The following ZDBF2 variants were observed in gnomAD, a reference collection of about 807,000 sequenced individuals.
ZDBF2 encodes the protein zinc finger DBF-type containing 2.
In ZDBF2, 6 loss-of-function variants were observed where a neutral mutation model predicts 9.4. The ratio of observed to expected loss-of-function variants is 0.64; its 90% CI spans 0.35 to 1.27. The LOEUF (loss-of-function observed/expected upper bound fraction) is 1.27, where lower values mean the gene tolerates loss of function less well. Among genes scored for constraint, ZDBF2 ranks in the 50% most tolerant of loss-of-function variants. ZDBF2 has a pLI of 0.03. For missense variants in ZDBF2, 2,697 were observed against 2,766.8 expected (o/e 0.97, Z 0.57); for synonymous variants, 905 against 946.3 (o/e 0.96, Z 0.80).
At position 206,307,409 on chromosome 2, in the gene ZDBF2, G is replaced by C; in HGVS notation, c.2881G>C (p.Asp961His). ...KSVFETSLDS[D>H]VPLQAATHKP... Reference sequence around the variant, plus strand: ...TGTTTTTGAAACAAGTTTGGATTCTGATGTCCCTCTTCAGGCAGCGACTCA... The same window carrying C: ...TGTTTTTGAAACAAGTTTGGATTCTCATGTCCCTCTTCAGGCAGCGACTCA... The change falls in exon 5 of 5, where the codon GAT (aspartate) becomes CAT (histidine). Residue 961 changes from aspartate (D) to histidine (H), a missense_variant. Asp to His is a moderately conservative substitution (Grantham distance 81). Around this residue, in one of 3 missense-constraint regions of ZDBF2, gnomAD observed 1,783 missense variants for 1,776.5 expected, o/e 1.00. Transcript: ENST00000374423. 3 of 1,612,946 alleles carry C rather than the reference G, an allele frequency of 1.9e-6. No individual in the cohort carries two copies. The highest frequency in any genetic ancestry group is 2.5e-6 in the Non-Finnish European group (3 of 1,179,640).
In ZDBF2 at chr2:206,307,163, C is replaced by G. The variant is rs1692848828; in HGVS notation, c.2635C>G (p.Pro879Ala). The change falls in exon 5 of 5, where the codon CCT becomes GCT. Residue 879 changes from proline (P) to alanine (A), a missense_variant. Pro to Ala is a conservative substitution (Grantham distance 27). Coordinates refer to ENST00000374423, the MANE Select transcript of ZDBF2 (RefSeq NM_020923.3). The part of the protein sequence containing the change: ...GSEISSDSHA[P>A]LHSVTNSPEV... ...TGAAATAAGTTCGGATTCCCATGCC[C>G]CTCTTCATTCAGTGACTAATTCTCC... The G allele has an allele frequency of 1.9e-6, 3 of 1,613,282 alleles. No individual in the cohort carries two copies. The highest frequency in any genetic ancestry group is 2.7e-5 in the African/African-American group (2 of 74,852).
intron 4 of ZDBF2, among the ~76,000 whole-genome samples, chr2:206,303,094 TTAAAC>T (rs1390155776): frequency 1.3e-5 from 2 of 149,178 alleles, no homozygotes; most frequent in Non-Finnish European, 3.0e-5. Flanking sequence ...TAGTTTCTAC[TTAAAC>T]TAAGTTTTCT....
chr2:206,275,225 A>G (rs1439999451), intron 1 of ZDBF2, among the ~76,000 whole-genome samples: 1 of 152,016 alleles, frequency 6.6e-6, no homozygotes, highest in African/African-American at 2.4e-5. Flanking sequence ...GCCCTGGGTC[A>G]GAGGGGCCGG....
chr2:206,310,990 T>A lies in ZDBF2; in HGVS notation c.6462T>A (p.Asp2154Glu). The A allele has an allele frequency of 6.2e-7, 1 of 1,613,408 alleles. No individual in the cohort carries two copies. Among genetic ancestry groups the A allele is most frequent in the Middle Eastern group, 1.7e-4 (1 of 6,052 alleles). Residue 2154 changes from aspartate to glutamate, a missense_variant, in exon 5 of 5, where the codon GAT (aspartate) becomes GAA (glutamate). Physicochemically the swap from Asp to Glu is conservative, Grantham distance 45 (BLOSUM62 2). Around this residue, in one of 3 missense-constraint regions of ZDBF2, gnomAD observed 1,783 missense variants for 1,776.5 expected, o/e 1.00. Coordinates refer to ENST00000374423, the MANE Select transcript of ZDBF2 (RefSeq NM_020923.3). ...RNFQLTFLNH[D>E]VVKISPKSVR... ...TCCAGCTAACATTTTTAAATCATGA[T>A]GTTGTCAAAATCTCTCCAAAATCAG...
At position 206,288,963 on chromosome 2, in the gene ZDBF2, G is replaced by T. The variant is rs187871387; in HGVS notation, c.60+7054G>T. Reference sequence around the variant, plus strand: ...ACAGCTGTTGTTTAGACCCAGGGTAGGGCAGGGAACAGTACAACAATGACT... The same window carrying T: ...ACAGCTGTTGTTTAGACCCAGGGTATGGCAGGGAACAGTACAACAATGACT... On this transcript the variant is annotated intron_variant, in intron 3 of 4. Transcript: ENST00000374423. Among the ~76,000 whole-genome samples, 12 of 152,212 alleles carry T rather than the reference G, an allele frequency of 7.9e-5. No homozygotes were observed. In the East Asian group the frequency reaches 2.3e-3, roughly 29 times the overall value.
rs866950884 is a variant in ZDBF2 at position 206,290,474 on chromosome 2, C to A, written c.61-6772C>A. The stretch of plus-strand genomic sequence containing the variant: ...ATATCTTAATATTAAGTCTTCCAAT[C>A]CATGAATAGAGGTATGTATTTCCAT... On this transcript the variant is annotated intron_variant, in intron 3 of 4. Transcript: ENST00000374423. Among the ~76,000 whole-genome samples the A allele has an allele frequency of 5.3e-5, 8 of 152,276 alleles. No individual in the cohort carries two copies. In the Middle Eastern group the frequency reaches 0.017, roughly 324 times the overall value.
chr2:206,298,276 T>G (rs1423191819), intron 4 of ZDBF2, among the ~76,000 whole-genome samples: 1 of 152,250 alleles, frequency 6.6e-6, no homozygotes, highest in Non-Finnish European at 1.5e-5. Flanking sequence ...AATATGTTTG[T>G]AGCTCCCGCT....
Position 206,307,463 on chromosome 2 carries a change from T to G in ZDBF2, c.2935T>G (p.Trp979Gly), listed in dbSNP as rs1559154455. 1 of 1,612,342 alleles carries G rather than the reference T, an allele frequency of 6.2e-7. No individual in the cohort carries two copies. Among genetic ancestry groups the G allele is most frequent in the East Asian group, 2.2e-5 (1 of 44,862 alleles). The change falls in exon 5 of 5, where the codon TGG becomes GGG. Residue 979 changes from tryptophan to glycine, a missense_variant. This residue lies in a region of ZDBF2 where 1,783 missense variants were observed against 1,776.5 expected (regional missense o/e 1.00). Transcript: ENST00000374423. The stretch of plus-strand genomic sequence containing the variant: ...ACCTGAAGTAATTGTCAAAGAAACA[T>G]GGCTTCAAAGAGAAAAGCACGCTGA... ...HKPEVIVKET[W>G]LQREKHAEFQ...
intron 3 of ZDBF2, among the ~76,000 whole-genome samples, chr2:206,293,224 A>G (rs1263692431): frequency 6.6e-6 from 1 of 152,198 alleles, no homozygotes; most frequent in South Asian, 2.1e-4. Flanking sequence ...TTCTTCAATA[A>G]ATGATACTGG....
intron 3 of ZDBF2, among the ~76,000 whole-genome samples, chr2:206,283,586 CTT>C (rs897785361): frequency 2.5e-4 from 38 of 152,050 alleles, no homozygotes; most frequent in African/African-American, 8.9e-4. Context: ...TTGTAGAAGT[CTT>C]TATATATTTT....
At position 206,307,860 on chromosome 2, in the gene ZDBF2, C is replaced by G; in HGVS notation, c.3332C>G (p.Pro1111Arg). The part of the protein sequence containing the change: ...VIGLKNKINE[P>R]STYKLIHHPD... ...GGCCTGAAAAATAAGATTAATGAAC[C>G]TAGTACTTATAAATTAATACATCAT... Residue 1111 changes from proline to arginine, a missense_variant, in exon 5 of 5, where the codon CCT becomes CGT. Transcript: ENST00000374423. The G allele has an allele frequency of 6.2e-7, 1 of 1,613,444 alleles. No homozygotes were observed. The highest frequency in any genetic ancestry group is 8.5e-7 in the Non-Finnish European group (1 of 1,179,730).
chr2:206,289,898 G>A (rs1157453608), intron 3 of ZDBF2, among the ~76,000 whole-genome samples: 3 of 152,106 alleles, frequency 2.0e-5, no homozygotes, highest in African/African-American at 2.4e-5. Context: ...GAATGGGGTG[G>A]TGGAGGCCTG....
chr2:206,308,186 GAAAT>G lies in ZDBF2; in HGVS notation c.3661_3664del (p.Ile1221AlafsTer39). 6.2e-7 allele frequency: 1 copy of G among 1,613,856 alleles called. No individual in the cohort carries two copies. The highest frequency in any genetic ancestry group is 8.5e-7 in the Non-Finnish European group (1 of 1,179,822). On this transcript the variant is annotated frameshift_variant, in exon 5 of 5. Transcript: ENST00000374423. LOFTEE classifies it low-confidence loss of function (END_TRUNC). ...TGACCGGCTGAGAGAAACCGTTAAA[GAAAT>G]AAGCCTTTGGAAGGATGAAGAAGTT...
Position 206,309,419 on chromosome 2 carries a change from G to A in ZDBF2, c.4891G>A (p.Ala1631Thr), listed in dbSNP as rs373430750. 50 of 1,613,652 alleles carry A rather than the reference G, an allele frequency of 3.1e-5. No individual in the cohort carries two copies. Among genetic ancestry groups the A allele is most frequent in the Non-Finnish European group, 4.2e-5 (49 of 1,179,842 alleles). ...CGSEMNFNVDASDQSMTYESQ... is the reference protein window; with the variant it reads ...CGSEMNFNVDTSDQSMTYESQ... ...TTCTGAAATGAATTTTAATGTTGAT[G>A]CCTCTGATCAGTCCATGACTTACGA... Residue 1631 changes from alanine (A) to threonine (T), a missense_variant, in exon 5 of 5, where the codon GCC becomes ACC. By Grantham distance (58) the Ala-to-Thr change is moderately conservative (BLOSUM62 0). This residue lies in a region of ZDBF2 where 1,783 missense variants were observed against 1,776.5 expected (regional missense o/e 1.00). Transcript: ENST00000374423.
intron 4 of ZDBF2, among the ~76,000 whole-genome samples, chr2:206,301,115 T>G (rs984360796): frequency 1.3e-5 from 2 of 152,172 alleles, no homozygotes; most frequent in African/African-American, 4.8e-5. Context: ...AGGTAGAACT[T>G]TTTTGTATAC....
intron 4 of ZDBF2, among the ~76,000 whole-genome samples, chr2:206,302,247 T>G (rs1692545512): frequency 6.6e-6 from 1 of 152,116 alleles, no homozygotes; most frequent in Non-Finnish European, 1.5e-5. Flanking sequence ...TGGCCTCAAG[T>G]GATCCTCTCA....
In ZDBF2 at chr2:206,307,634, TGTA is replaced by T. The variant is rs1344263159; in HGVS notation, c.3109_3111del (p.Ser1037del). The T allele has an allele frequency of 6.2e-7, 1 of 1,612,360 alleles. No individual in the cohort carries two copies. The highest frequency in any genetic ancestry group is 8.5e-7 in the Non-Finnish European group (1 of 1,179,344). On this transcript the variant is annotated inframe_deletion, in exon 5 of 5. Transcript: ENST00000374423. ...TGTTCTAGAAAACAAGAATGATAAA[TGTA>T]GTGGTTCTGAAATAATTTTGGATTC...
In ZDBF2 at chr2:206,305,670, C is replaced by T. The variant is rs777913123; in HGVS notation, c.1142C>T (p.Thr381Ile). 14 of 1,613,562 alleles carry T rather than the reference C, an allele frequency of 8.7e-6. No individual in the cohort carries two copies. Among genetic ancestry groups the T allele is most frequent in the Non-Finnish European group, 1.2e-5 (14 of 1,179,794 alleles). The change falls in exon 5 of 5, where the codon ACT (threonine) becomes ATT (isoleucine). Residue 381 changes from threonine (T) to isoleucine (I), a missense_variant. This residue lies in a region of ZDBF2 where 910 missense variants were observed against 973.6 expected (regional missense o/e 0.93). Transcript: ENST00000374423. ...TCAGCATCTGATCAGCCCCAAGAGACTGCACAAGACTTAAGTCTTTGGAAG... is the reference window on the plus strand; with the variant it reads ...TCAGCATCTGATCAGCCCCAAGAGATTGCACAAGACTTAAGTCTTTGGAAG... The part of the protein sequence containing the change: ...LQSASDQPQE[T>I]AQDLSLWKEE...
chr2:206,307,913 G>T lies in ZDBF2; in HGVS notation c.3385G>T (p.Asp1129Tyr). The T allele has an allele frequency of 6.2e-7, 1 of 1,613,612 alleles. No homozygotes were observed. Among genetic ancestry groups the T allele is most frequent in the South Asian group, 1.1e-5 (1 of 91,040 alleles). ...TGATGTTTCTGTCCAATCTGTGGCT[G>T]ATCAACCCAAAGTAGCTATTAAACA... ...HPDVSVQSVA[D>Y]QPKVAIKHVN... The change falls in exon 5 of 5, where the codon GAT becomes TAT. Residue 1129 changes from aspartate to tyrosine, a missense_variant. Around this residue, in one of 3 missense-constraint regions of ZDBF2, gnomAD observed 1,783 missense variants for 1,776.5 expected, o/e 1.00. Coordinates refer to ENST00000374423, the MANE Select transcript of ZDBF2 (RefSeq NM_020923.3).
Sources: allele counts gnomAD v4.1 joint callset (sites outside exome capture counted in the v4.1 genomes callset), GRCh38; gene constraint gnomAD v4.1.1; regional missense constraint gnomAD v4.1.1; transcripts MANE v1.5; gene names NCBI Gene and HGNC (gene_info 2026-07-23, HGNC 2026-07-21).